The following KIAA1549L variants were observed in gnomAD, a reference collection of about 807,000 sequenced individuals.
KIAA1549L encodes the protein KIAA1549 like.
A neutral mutation model predicts 160.7 loss-of-function variants in KIAA1549L; 88 were observed. That is an observed-to-expected ratio of 0.55 (90% confidence interval 0.46 to 0.65). The LOEUF (loss-of-function observed/expected upper bound fraction) is 0.65, where lower values mean the gene tolerates loss of function less well. Among genes scored for constraint, KIAA1549L ranks in the 30% least tolerant of loss-of-function variants. The pLI is 0.00. For synonymous variants in KIAA1549L, 950 were observed against 976.7 expected, an observed-to-expected ratio of 0.97 and a Z score of 0.51; for missense variants, 2,258 against 2,437.5, an observed-to-expected ratio of 0.93 and a Z score of 1.55.
rs199645283 is a variant in KIAA1549L at position 33,549,354 on chromosome 11, CTTTG to C, written c.3501+1487_3501+1490del. Among the ~76,000 whole-genome samples the C allele has an allele frequency of 1.2e-3, 180 of 152,212 alleles. 1 individual carries two copies. In the East Asian group the frequency reaches 0.014, roughly 12 times the overall value. On this transcript the variant is annotated intron_variant, in intron 4 of 20. Coordinates refer to ENST00000658780, the MANE Select transcript of KIAA1549L (RefSeq NM_012194.3). ...GGCTCTAAGGCTGAGCCTGGTATCCCTTTGTTTGTTTGTTTATTTAAAAAAGGAA... is the reference window on the plus strand; with the variant it reads ...GGCTCTAAGGCTGAGCCTGGTATCCCTTTGTTTGTTTATTTAAAAAAGGAA...
chr11:33,580,399 C>A (rs551072636), intron 10 of KIAA1549L, among the ~76,000 whole-genome samples: 176 of 151,900 alleles, frequency 1.2e-3, no homozygotes, highest in African/African-American at 4.2e-3. Flanking sequence ...CACGGAGAAA[C>A]CCCGTCTCTA....
Position 33,671,760 on chromosome 11 carries a change from A to G in KIAA1549L, c.*3606A>G, listed in dbSNP as rs1404603992. ...ATAAACGAGTTTCCTTTTTTTCTAC[A>G]TAGCACACAGGTGCTCAACATTTAA... is the stretch of plus-strand genomic sequence containing the variant. On this transcript the variant is annotated 3_prime_UTR_variant, in exon 21 of 21. Coordinates refer to ENST00000658780, the MANE Select transcript of KIAA1549L (RefSeq NM_012194.3). 8 of 152,212 alleles carry G rather than the reference A, an allele frequency of 5.3e-5. No homozygotes were observed. Among genetic ancestry groups the G allele is most frequent in the Non-Finnish European group, 1.5e-5 (1 of 68,038 alleles). 9.4% of individuals were successfully genotyped at this position (152,212 alleles called of 1,614,324 possible).
intron 1 of KIAA1549L, among the ~76,000 whole-genome samples, chr11:33,458,149 C>T (rs1168821947): frequency 6.6e-6 from 1 of 152,172 alleles, no homozygotes; most frequent in Non-Finnish European, 1.5e-5. Context: ...TGAGAGACCC[C>T]TTGTGGTGTG....
intron 16 of KIAA1549L, among the ~76,000 whole-genome samples, chr11:33,632,332 C>T (rs570001411): frequency 6.6e-6 from 1 of 152,314 alleles, no homozygotes; most frequent in Admixed American, 6.5e-5. Flanking sequence ...AACCTCAAGA[C>T]AAGGTTTATG....
At chr11:33,549,126 C>A (rs1444408253) in intron 4 of KIAA1549L, among the ~76,000 whole-genome samples, 4 of 151,926 alleles carry the variant, frequency 2.6e-5, no homozygotes, top group Non-Finnish European at 5.9e-5. Context: ...CATATCTTTA[C>A]AGACCAGTGT....
intron 1 of KIAA1549L, among the ~76,000 whole-genome samples, chr11:33,433,525 G>A (rs1339136843): frequency 6.6e-6 from 1 of 152,198 alleles, no homozygotes; most frequent in Admixed American, 6.5e-5. Flanking sequence ...ATGGAAGACA[G>A]TATGGTGATC....
intron 20 of KIAA1549L, among the ~76,000 whole-genome samples, chr11:33,665,919 C>T (rs1162814203): frequency 6.6e-6 from 1 of 152,134 alleles, no homozygotes; most frequent in East Asian, 1.9e-4. Flanking sequence ...AGTCTTGTGC[C>T]TGGGAGGGTG....
intron 1 of KIAA1549L, among the ~76,000 whole-genome samples, chr11:33,431,041 G>A (rs529776758): frequency 4.3e-4 from 66 of 152,150 alleles, no homozygotes; most frequent in African/African-American, 1.4e-3. Context: ...TCGTGGTCTC[G>A]CTGGCTCAGG....
chr11:33,509,940 T>C (rs935134262), intron 1 of KIAA1549L, among the ~76,000 whole-genome samples: 1 of 152,148 alleles, frequency 6.6e-6, no homozygotes, highest in African/African-American at 2.4e-5. Flanking sequence ...CAGTAATTGC[T>C]CTGCTGGTGC....
At chr11:33,466,537 AACCAT>A (rs1211485041) in intron 1 of KIAA1549L, among the ~76,000 whole-genome samples, 1 of 152,206 alleles carries the variant, frequency 6.6e-6, no homozygotes, top group East Asian at 1.9e-4. Context: ...AAACTAGTTC[AACCAT>A]TGTGGAAGAC....
At chr11:33,400,214 T>C (rs1000702425) in intron 1 of KIAA1549L, among the ~76,000 whole-genome samples, 1 of 152,218 alleles carries the variant, frequency 6.6e-6, no homozygotes, top group African/African-American at 2.4e-5. Flanking sequence ...ATGTGTTAAG[T>C]AAGACCAATG....
chr11:33,645,301 C>T (rs1446909174), intron 16 of KIAA1549L, among the ~76,000 whole-genome samples: 1 of 152,086 alleles, frequency 6.6e-6, no homozygotes, highest in East Asian at 1.9e-4. Context: ...TGCTACCCCT[C>T]CAGGTGTAGA....
At chr11:33,527,200 AAAG>A (rs1486222004) in intron 1 of KIAA1549L, among the ~76,000 whole-genome samples, 1 of 152,216 alleles carries the variant, frequency 6.6e-6, no homozygotes. Context: ...TGTTCCCAAG[AAAG>A]AAGAGAAATC....
intron 16 of KIAA1549L, among the ~76,000 whole-genome samples, chr11:33,629,480 C>T (rs1564931365): frequency 6.6e-6 from 1 of 151,514 alleles, no homozygotes. Flanking sequence ...GGAGGCTTTG[C>T]TCGTTTCTTT....
intron 1 of KIAA1549L, among the ~76,000 whole-genome samples, chr11:33,479,211 T>C (rs1462522929): frequency 6.6e-6 from 1 of 152,178 alleles, no homozygotes; most frequent in Non-Finnish European, 1.5e-5. Flanking sequence ...AGCTGGGGGT[T>C]CCTGGGCTAG....
intron 9 of KIAA1549L, among the ~76,000 whole-genome samples, chr11:33,569,613 C>A (rs1855173932): frequency 1.3e-5 from 2 of 152,190 alleles, no homozygotes; most frequent in African/African-American, 4.8e-5. Context: ...ACACACTTCC[C>A]CGCATGAGTC....
At chr11:33,644,068 C>CT (rs1851656157) in intron 16 of KIAA1549L, among the ~76,000 whole-genome samples, 1 of 152,180 alleles carries the variant, frequency 6.6e-6, no homozygotes, top group African/African-American at 2.4e-5. Context: ...GCAAAGGTAA[C>CT]TTTACATTCT....
At chr11:33,566,961 G>A (rs1255293789) in intron 8 of KIAA1549L, among the ~76,000 whole-genome samples, 1 of 152,224 alleles carries the variant, frequency 6.6e-6, no homozygotes, top group Non-Finnish European at 1.5e-5. Context: ...GACCGTGTTT[G>A]AAGGCAGCCT....
chr11:33,437,673 C>T (rs958848424), intron 1 of KIAA1549L, among the ~76,000 whole-genome samples: 2 of 152,208 alleles, frequency 1.3e-5, no homozygotes, highest in African/African-American at 4.8e-5. Flanking sequence ...CCCCCACCTC[C>T]TATTGGTGGG....
Sources: allele counts gnomAD v4.1 joint callset (sites outside exome capture counted in the v4.1 genomes callset), GRCh38; gene constraint gnomAD v4.1.1; transcripts MANE v1.5; gene names NCBI Gene and HGNC (gene_info 2026-07-23, HGNC 2026-07-21).